PRCP: variants seen among roughly 807,000 people sequenced by gnomAD.
PRCP encodes the protein lysosomal Pro-X carboxypeptidase.
PRCP carries 46 observed loss-of-function variants against 54.2 expected under a neutral mutation model. The observed-to-expected ratio is 0.85, with a 90% CI of 0.67 to 1.09. The LOEUF is 1.09. Among genes scored for constraint, PRCP ranks in the 50% least tolerant of loss-of-function variants. The probability of loss-of-function intolerance (pLI) is 0.00; values close to 1 mark genes in which losing one functional copy is unlikely to be tolerated. For synonymous variants in PRCP, 240 were observed against 212.2 expected (o/e 1.13, Z -1.14); for missense variants, 613 against 596.8 (o/e 1.03, Z -0.28).
chr11:82,855,057 A>G (rs1354641558), intron 2 of PRCP, among the ~76,000 whole-genome samples: 3 of 152,178 alleles, frequency 2.0e-5, no homozygotes, highest in African/African-American at 7.2e-5. Context: ...AAAACTGAAA[A>G]CTATAAAAAG....
chr11:82,891,380 G>A (rs538546661), intron 1 of PRCP, among the ~76,000 whole-genome samples: 20 of 152,110 alleles, frequency 1.3e-4, no homozygotes, highest in African/African-American at 4.8e-4. Flanking sequence ...GCAACAACCT[G>A]GTCTTTCTGT....
intron 1 of PRCP, among the ~76,000 whole-genome samples, chr11:82,890,035 C>T (rs1215047011): frequency 1.3e-5 from 2 of 151,604 alleles, no homozygotes; most frequent in East Asian, 1.9e-4. Flanking sequence ...ACTACCCAGG[C>T]CTCTCTCACC....
In PRCP at chr11:82,850,118, T is replaced by A. The variant is rs557008721; in HGVS notation, c.594-47A>T. On this transcript the variant is annotated intron_variant, in intron 4 of 8. Transcript: ENST00000313010. Reference sequence around the variant, plus strand: ...GAAAGAAAAAAGAAAAGAAAAAATATATATATATATTATATATATGTCATC... The same window carrying A: ...GAAAGAAAAAAGAAAAGAAAAAATAAATATATATATTATATATATGTCATC... 6.6e-4 allele frequency: 548 copies of A among 826,942 alleles called. 2 individuals carry two copies. Among genetic ancestry groups the A allele is most frequent in the South Asian group, 8.0e-4 (13 of 16,272 alleles). The allele number at this position is 826,942 out of a possible 1,614,324, so 51.2% of individuals were successfully genotyped here.
intron 8 of PRCP, among the ~76,000 whole-genome samples, chr11:82,837,729 T>C (rs952508440): frequency 6.6e-6 from 1 of 152,152 alleles, no homozygotes; most frequent in African/African-American, 2.4e-5. Flanking sequence ...CAGATACACA[T>C]GGAGTCTGCT....
chr11:82,826,649 G>A (rs2121045052), intron 8 of PRCP: 1 of 152,306 alleles, frequency 6.6e-6, no homozygotes, highest in Non-Finnish European at 1.5e-5. Context: ...TCCTAAGCTA[G>A]TAAGTATTAA....
chr11:82,884,404 C>A (rs755768875), intron 1 of PRCP, among the ~76,000 whole-genome samples: 2 of 152,008 alleles, frequency 1.3e-5, no homozygotes, highest in Non-Finnish European at 2.9e-5. Flanking sequence ...CAAAAAAATA[C>A]AAAAATTAGC....
At chr11:82,830,646 A>C (rs907599478) in intron 8 of PRCP, 13 of 150,694 alleles carry the variant, frequency 8.6e-5, no homozygotes, top group African/African-American at 2.4e-5. Context: ...AAAAAAAAAA[A>C]AAAAAAAAAC....
At chr11:82,856,040 T>A (rs928309164) in intron 2 of PRCP, among the ~76,000 whole-genome samples, 1 of 152,170 alleles carries the variant, frequency 6.6e-6, no homozygotes, top group Non-Finnish European at 1.5e-5. Context: ...GTGTGGCGGC[T>A]CATGCCTGTA....
At chr11:82,848,801 C>T (rs1251139810) in intron 6 of PRCP, among the ~76,000 whole-genome samples, 2 of 152,106 alleles carry the variant, frequency 1.3e-5, no homozygotes, top group Non-Finnish European at 2.9e-5. Context: ...ATTTCTAATT[C>T]GTACAACTCT....
intron 1 of PRCP, among the ~76,000 whole-genome samples, chr11:82,887,260 A>AC (rs1382974735): frequency 6.6e-6 from 1 of 152,220 alleles, no homozygotes; most frequent in African/African-American, 2.4e-5. Flanking sequence ...CTTAAAGCAT[A>AC]CATCACACCT....
chr11:82,853,227 C>G lies in PRCP; in HGVS notation c.361G>C (p.Glu121Gln). The G allele has an allele frequency of 6.2e-7, 1 of 1,613,262 alleles. No homozygotes were observed. Among genetic ancestry groups the G allele is most frequent in the Non-Finnish European group, 8.5e-7 (1 of 1,179,476 alleles). ...EELKAMLVFA[E>Q]HRYYGESLPF... ...AGAGACTCTCCATAGTATCGATGTTCAGCAAACACCAACATAGCTTTCAGT... is the reference window on the plus strand; with the variant it reads ...AGAGACTCTCCATAGTATCGATGTTGAGCAAACACCAACATAGCTTTCAGT... Residue 121 changes from glutamate to glutamine, a missense_variant, in exon 3 of 9, where the codon GAA (glutamate) becomes CAA (glutamine). Transcript: ENST00000313010.
Position 82,850,021 on chromosome 11 carries a change from C to T in PRCP, c.644G>A (p.Cys215Tyr). ...PIWQFEDLVP[C>Y]GVFMKIVTTD... is the part of the protein sequence containing the mutation. Reference sequence around the variant, plus strand: ...AGTTACGATCTTCATAAATACACCACAAGGTACTAAATCCTCAAACTGCCA... The same window carrying T: ...AGTTACGATCTTCATAAATACACCATAAGGTACTAAATCCTCAAACTGCCA... The change falls in exon 5 of 9, where the codon TGT (cysteine) becomes TAT (tyrosine). Residue 215 changes from cysteine (C) to tyrosine (Y), a missense_variant. Physicochemically the swap from Cys to Tyr is radical, Grantham distance 194. Coordinates refer to ENST00000313010, the MANE Select transcript of PRCP (RefSeq NM_005040.4). 1 of 1,538,968 alleles carries T rather than the reference C, an allele frequency of 6.5e-7. No individual in the cohort carries two copies. Among genetic ancestry groups the T allele is most frequent in the Non-Finnish European group, 8.8e-7 (1 of 1,140,636 alleles).
chr11:82,836,256 G>A (rs1220903346), intron 8 of PRCP: 1 of 153,188 alleles, frequency 6.5e-6, no homozygotes, highest in African/African-American at 2.4e-5. Context: ...AAAAGACGAT[G>A]CTGTCTCATT....
At chr11:82,893,990 T>C (rs1486384182) in intron 1 of PRCP, among the ~76,000 whole-genome samples, 1 of 152,224 alleles carries the variant, frequency 6.6e-6, no homozygotes, top group African/African-American at 2.4e-5. Flanking sequence ...ACACTACATA[T>C]GTAATTTTAC....
At chr11:82,889,019 A>G (rs1224199780) in intron 1 of PRCP, among the ~76,000 whole-genome samples, 1 of 129,272 alleles carries the variant, frequency 7.7e-6, no homozygotes, top group East Asian at 1.9e-4. Context: ...CATGTGCCAT[A>G]AAAGTACAAA....
At chr11:82,893,315 G>A (rs1446333344) in intron 1 of PRCP, among the ~76,000 whole-genome samples, 1 of 152,172 alleles carries the variant, frequency 6.6e-6, no homozygotes, top group East Asian at 1.9e-4. Flanking sequence ...ATTTTGTTAG[G>A]TTAAGTGACC....
intron 1 of PRCP, among the ~76,000 whole-genome samples, chr11:82,880,175 G>T (rs564271975): frequency 5.8e-4 from 88 of 152,370 alleles, no homozygotes; most frequent in African/African-American, 2.0e-3. Flanking sequence ...TCCTTGAGCT[G>T]CAGTGGGCTC....
At chr11:82,831,732 T>A (rs969044061) in intron 8 of PRCP, among the ~76,000 whole-genome samples, 4 of 152,070 alleles carry the variant, frequency 2.6e-5, no homozygotes, top group African/African-American at 4.8e-5. Flanking sequence ...TTTTTTTTTT[T>A]AATTATACTT....
At chr11:82,844,418 C>T (rs1172022074) in intron 6 of PRCP, among the ~76,000 whole-genome samples, 1 of 149,732 alleles carries the variant, frequency 6.7e-6, no homozygotes, top group Non-Finnish European at 1.5e-5. Context: ...ATGAGACCTT[C>T]TCTCTTAAAA....
Sources: gnomAD v4.1 joint callset for allele counts (sites outside exome capture counted in the v4.1 genomes callset) on GRCh38, gnomAD v4.1.1 for gene constraint, MANE v1.5 for transcripts, NCBI Gene and HGNC (gene_info 2026-07-23, HGNC 2026-07-21) for gene names.